KATNAL1: variants seen among roughly 807,000 people sequenced by gnomAD.
KATNAL1 encodes katanin p60 ATPase-containing subunit A-like 1.
KATNAL1 carries 32 observed loss-of-function variants against 55.2 expected under a neutral mutation model. The observed-to-expected ratio is 0.58, with a 90% CI of 0.44 to 0.78. The LOEUF (loss-of-function observed/expected upper bound fraction) is 0.78. Among genes scored for constraint, KATNAL1 ranks in the 30% least tolerant of loss-of-function variants. The probability of loss-of-function intolerance (pLI) is 0.00; values close to 1 mark genes in which losing one functional copy is unlikely to be tolerated. For synonymous variants in KATNAL1, 193 were observed against 193.6 expected (o/e 1.00, Z 0.02); for missense variants, 466 against 600.9 (o/e 0.78, Z 2.35).
intron 1 of KATNAL1, among the ~76,000 whole-genome samples, chr13:30,287,399 TTC>T (rs1881859863): frequency 6.6e-6 from 1 of 152,224 alleles, no homozygotes; most frequent in Non-Finnish European, 1.5e-5. Flanking sequence ...CTGGCATTCA[TTC>T]TCTCTCCTGC....
At chr13:30,251,611 C>G (rs1042814834) in intron 4 of KATNAL1, among the ~76,000 whole-genome samples, 2 of 152,088 alleles carry the variant, frequency 1.3e-5, no homozygotes, top group South Asian at 4.2e-4. Context: ...TCCCAGCCTC[C>G]AAAACTGTGA....
rs1286882833 is a variant in KATNAL1, at chr13:30,277,458, A to T, written c.323+2605T>A. On this transcript the variant is annotated intron_variant, in intron 3 of 10. Coordinates refer to ENST00000380615, the MANE Select transcript of KATNAL1 (RefSeq NM_032116.5). Reference sequence around the variant, plus strand: ...TCACAATCTCATCAACTCAAGTCAAACGTCTTTCCATTAAACCAAGAATAT... The same window carrying T: ...TCACAATCTCATCAACTCAAGTCAATCGTCTTTCCATTAAACCAAGAATAT... Among the ~76,000 whole-genome samples, 5 of 152,222 alleles carry T rather than the reference A, an allele frequency of 3.3e-5. No individual in the cohort carries two copies. The East Asian group carries it at 9.6e-4, about 29-fold the overall frequency.
intron 1 of KATNAL1, among the ~76,000 whole-genome samples, chr13:30,304,335 T>C (rs1420381011): frequency 6.6e-6 from 1 of 151,598 alleles, no homozygotes; most frequent in Non-Finnish European, 1.5e-5. Context: ...AGCAGCATGA[T>C]CTTGGCTCAC....
intron 3 of KATNAL1, among the ~76,000 whole-genome samples, chr13:30,264,345 GC>G (rs1879562752): frequency 7.5e-6 from 1 of 133,094 alleles, no homozygotes; most frequent in Non-Finnish European, 1.6e-5. Flanking sequence ...AACACCAAAA[GC>G]AATGGCAACA....
intron 10 of KATNAL1, among the ~76,000 whole-genome samples, 198 bp from the exon 11 acceptor site, chr13:30,208,936 T>G (rs1873403016): frequency 6.6e-6 from 1 of 152,158 alleles, no homozygotes. Flanking sequence ...AAACATGAAA[T>G]GTATAGTTAA....
rs192781598 is a variant in KATNAL1, at chr13:30,293,649, T to A, written c.-14-9858A>T. ...ACAACAAAGGTAAAGAACATTTCCA[T>A]CACCCCAGAAAACTCCCTTTTGCCA... is the stretch of plus-strand genomic sequence containing the variant. On this transcript the variant is annotated intron_variant, in intron 1 of 10. Transcript: ENST00000380615. Among the ~76,000 whole-genome samples, 322 of 152,302 alleles carry A rather than the reference T, an allele frequency of 2.1e-3. 2 individuals carry two copies. The highest frequency in any genetic ancestry group is 7.5e-3 in the African/African-American group (312 of 41,552).
intron 9 of KATNAL1, among the ~76,000 whole-genome samples, chr13:30,220,108 T>A (rs1175703821): frequency 6.6e-6 from 1 of 152,192 alleles, no homozygotes; most frequent in African/African-American, 2.4e-5. Context: ...ATCACTGTAA[T>A]ATGGTAGTAA....
Position 30,280,207 on chromosome 13 carries a change from A to G in KATNAL1, c.179T>C (p.Leu60Ser). 1 of 1,591,886 alleles carries G rather than the reference A, an allele frequency of 6.3e-7. No individual in the cohort carries two copies. Among genetic ancestry groups the G allele is most frequent in the African/African-American group, 1.4e-5 (1 of 73,336 alleles). ...GKWQQVRQEL[L>S]EEYEQVKSIV... Reference sequence around the variant, plus strand: ...ACTTTTAACTTGTTCATATTCCTCCAATAATTCCTGCCGAACCTTAAAAAA... The same window carrying G: ...ACTTTTAACTTGTTCATATTCCTCCGATAATTCCTGCCGAACCTTAAAAAA... Residue 60 changes from leucine (L) to serine (S), a missense_variant, in exon 3 of 11, where the codon TTG becomes TCG. Around this residue, in one of 3 missense-constraint regions of KATNAL1, gnomAD observed 248 missense variants for 275.5 expected, o/e 0.90. Coordinates refer to ENST00000380615, the MANE Select transcript of KATNAL1 (RefSeq NM_032116.5).
chr13:30,213,868 CA>C (rs565755373), intron 9 of KATNAL1, among the ~76,000 whole-genome samples: 42 of 152,262 alleles, frequency 2.8e-4, no homozygotes, highest in African/African-American at 9.9e-4. Context: ...GGGCACAAGA[CA>C]GGGATGCCCT....
intron 2 of KATNAL1, among the ~76,000 whole-genome samples, chr13:30,282,298 G>A (rs1332582044): frequency 6.6e-6 from 1 of 151,946 alleles, no homozygotes; most frequent in Non-Finnish European, 1.5e-5. Flanking sequence ...TTGCAAAATG[G>A]GTCAAAACAA....
At chr13:30,247,030 A>T (rs984502621) in intron 4 of KATNAL1, among the ~76,000 whole-genome samples, 69 of 152,190 alleles carry the variant, frequency 4.5e-4, no homozygotes, top group Non-Finnish European at 7.5e-4. Flanking sequence ...TTAATCCTAA[A>T]AGTCCTATGA....
Position 30,280,232 on chromosome 13 carries a change from A to G in KATNAL1, c.163-9T>C. The stretch of plus-strand genomic sequence containing the variant: ...AATAATTCCTGCCGAACCTTAAAAA[A>G]AAAAAATAGGCTTTATGCTAGAAGC... On this transcript the variant is annotated splice_polypyrimidine_tract_variant and intron_variant, in intron 2 of 10. Transcript: ENST00000380615. 9 of 1,572,606 alleles carry G rather than the reference A, an allele frequency of 5.7e-6. No homozygotes were observed. The highest frequency in any genetic ancestry group is 7.7e-6 in the Non-Finnish European group (9 of 1,166,688).
rs1268558813 is a variant in KATNAL1, at chr13:30,228,334, T to TA, written c.1013-789dup. On this transcript the variant is annotated intron_variant, in intron 8 of 10. Transcript: ENST00000380615. ...CAACCTAGTTCAATACAGTATTTTTTAAAAAAACAAGGTCTGGTTCTGTTG... is the reference window on the plus strand; with the variant it reads ...CAACCTAGTTCAATACAGTATTTTTTAAAAAAAACAAGGTCTGGTTCTGTTG... Among the ~76,000 whole-genome samples the TA allele has an allele frequency of 5.9e-5, 9 of 152,306 alleles. No individual in the cohort carries two copies. The South Asian group carries it at 8.3e-4, about 14-fold the overall frequency.
intron 1 of KATNAL1, among the ~76,000 whole-genome samples, chr13:30,291,940 CAGG>C (rs936781198): frequency 2.6e-4 from 39 of 152,040 alleles, no homozygotes; most frequent in African/African-American, 8.2e-4. Flanking sequence ...GAGGCTGAGG[CAGG>C]AGAACTGCTT....
At chr13:30,303,165 G>A (rs569837582) in intron 1 of KATNAL1, among the ~76,000 whole-genome samples, 1 of 152,292 alleles carries the variant, frequency 6.6e-6, no homozygotes, top group African/African-American at 2.4e-5. Context: ...TTACTCCTTT[G>A]CCATCCGTTC....
At chr13:30,301,225 C>T (rs555492793) in intron 1 of KATNAL1, among the ~76,000 whole-genome samples, 2 of 152,228 alleles carry the variant, frequency 1.3e-5, no homozygotes, top group East Asian at 3.9e-4. Context: ...CAAAAATTAG[C>T]GGGGCGTGGT....
intron 9 of KATNAL1, among the ~76,000 whole-genome samples, chr13:30,221,500 A>T (rs1874851226): frequency 6.6e-6 from 1 of 152,242 alleles, no homozygotes; most frequent in Admixed American, 6.5e-5. Flanking sequence ...CACTGAAGAG[A>T]ATTAAAAAGT....
At chr13:30,241,129 A>G in intron 4 of KATNAL1, 43 bp from the exon 5 acceptor site, 1 of 1,533,262 alleles carries the variant, frequency 6.5e-7, no homozygotes, top group South Asian at 1.2e-5. Flanking sequence ...AGTAATGGAT[A>G]ATTTAGTTAA....
chr13:30,227,610 T>C, intron 8 of KATNAL1, 64 bp from the exon 9 acceptor site: 1 of 1,547,538 alleles, frequency 6.5e-7, no homozygotes, highest in Non-Finnish European at 8.8e-7. Flanking sequence ...TTCATTCAAT[T>C]AACATTTCTT....
Sources: gnomAD v4.1 joint callset for allele counts (sites outside exome capture counted in the v4.1 genomes callset) on GRCh38, gnomAD v4.1.1 for gene constraint, gnomAD v4.1.1 regional missense constraint, MANE v1.5 for transcripts, NCBI Gene and HGNC (gene_info 2026-07-23, HGNC 2026-07-21) for gene names.